Variants in NT5C2 observed in about 807,000 individuals in gnomAD.
The protein encoded by NT5C2 is cytosolic purine 5'-nucleotidase.
In NT5C2, 58 loss-of-function variants were observed where a neutral mutation model predicts 76.1. The observed-to-expected ratio is 0.76, with a 90% CI of 0.62 to 0.95. The LOEUF (loss-of-function observed/expected upper bound fraction) is 0.95, where lower values mean the gene tolerates loss of function less well. Ranked by LOEUF, NT5C2 falls within the 40% of genes least tolerant of loss-of-function variation. The probability of loss-of-function intolerance (pLI) is 0.00; values close to 1 mark genes in which losing one functional copy is unlikely to be tolerated. For synonymous variants in NT5C2, 229 were observed against 237.4 expected (o/e 0.96, Z 0.32); for missense variants, 478 against 690.3 (o/e 0.69, Z 3.45).
intron 4 of NT5C2, among the ~76,000 whole-genome samples, chr10:103,131,908 TGA>T (rs1429613296): frequency 7.0e-6 from 1 of 143,652 alleles, no homozygotes; most frequent in East Asian, 2.1e-4. Context: ...GGCAACAGAG[TGA>T]GACACTGTCT....
In NT5C2 at chr10:103,094,355, A is replaced by C; in HGVS notation, c.914T>G (p.Val305Gly). The C allele has an allele frequency of 6.3e-7, 1 of 1,586,436 alleles. No individual in the cohort carries two copies. Among genetic ancestry groups the C allele is most frequent in the Non-Finnish European group, 8.7e-7 (1 of 1,154,842 alleles). ...ATCATTCTCATGACTTACAGTATCC[A>C]CCTGACGCAGTACTGTGCCTTCTCC... ...FFGEGTVLRQ[V>G]DTKTGKLKIG... Residue 305 changes from valine to glycine, a missense_variant, in exon 13 of 19, where the codon GTG becomes GGG. By Grantham distance (109) the Val-to-Gly change is moderately radical. Transcript: ENST00000404739.
At chr10:103,171,535 T>C (rs2087999265) in intron 3 of NT5C2, among the ~76,000 whole-genome samples, 1 of 152,200 alleles carries the variant, frequency 6.6e-6, no homozygotes, top group South Asian at 2.1e-4. Flanking sequence ...ACTGCCAATA[T>C]ACCAGCACCT....
chr10:103,111,202 G>A (rs2072929218), intron 4 of NT5C2, among the ~76,000 whole-genome samples: 1 of 152,164 alleles, frequency 6.6e-6, no homozygotes, highest in African/African-American at 2.4e-5. Flanking sequence ...AATAGCTTCA[G>A]AGTAAACATA....
At chr10:103,142,236 C>T (rs1384381213) in intron 3 of NT5C2, among the ~76,000 whole-genome samples, 1 of 152,096 alleles carries the variant, frequency 6.6e-6, no homozygotes, top group Non-Finnish European at 1.5e-5. Context: ...GGAATTTGGA[C>T]TTTATCCCGC....
intron 4 of NT5C2, among the ~76,000 whole-genome samples, chr10:103,118,270 T>C (rs1190962360): frequency 6.6e-6 from 1 of 152,194 alleles, no homozygotes; most frequent in East Asian, 1.9e-4. Context: ...TGTAAATCTA[T>C]TCACCATAGG....
chr10:103,168,261 A>G (rs2086900569), intron 3 of NT5C2, among the ~76,000 whole-genome samples: 1 of 152,338 alleles, frequency 6.6e-6, no homozygotes, highest in East Asian at 1.9e-4. Context: ...ATTTCAGTTC[A>G]ATATGATAAA....
intron 12 of NT5C2, chr10:103,094,685 C>G: frequency 2.3e-6 from 1 of 440,286 alleles, no homozygotes; most frequent in African/African-American, 2.0e-5. Flanking sequence ...AAATCAAGAC[C>G]ATCCTGGCCA....
chr10:103,111,902 G>C, intron 4 of NT5C2: 2 of 760,196 alleles, frequency 2.6e-6, no homozygotes, highest in Non-Finnish European at 3.6e-6. Context: ...GATACCATTT[G>C]GAAATTGGTA....
At chr10:103,177,755 T>C (rs1389167573) in intron 2 of NT5C2, among the ~76,000 whole-genome samples, 10 of 152,242 alleles carry the variant, frequency 6.6e-5, no homozygotes. Context: ...GTCTTTTTTA[T>C]ATAAATCACC....
chr10:103,100,156 C>T, intron 8 of NT5C2, 137 bp from the exon 9 acceptor site: 1 of 575,638 alleles, frequency 1.7e-6, no homozygotes, highest in East Asian at 3.0e-5. Flanking sequence ...ATAATTACTC[C>T]CTAATGAAAG....
chr10:103,106,590 T>C lies in NT5C2; in HGVS notation c.292A>G (p.Arg98Gly), dbSNP rs781092106. The change falls in exon 5 of 19, where the codon AGG becomes GGG. Residue 98 changes from arginine (R) to glycine (G), a missense_variant and splice_region_variant. Transcript: ENST00000404739. Reference sequence around the variant, plus strand: ...TCCAAAAATATCTTTAAAAATTACCTGGTAGGGAATGTAGAATCATAAGCA... The same window carrying C: ...TCCAAAAATATCTTTAAAAATTACCCGGTAGGGAATGTAGAATCATAAGCA... ...SFAYDSTFPTRGLVFDTLYGN... is the reference protein window; with the variant it reads ...SFAYDSTFPTGGLVFDTLYGN... 3 of 1,583,022 alleles carry C rather than the reference T, an allele frequency of 1.9e-6. No homozygotes were observed. The highest frequency in any genetic ancestry group is 1.7e-4 in the Middle Eastern group (1 of 6,012).
chr10:103,186,968 A>C, intron 1 of NT5C2, among the ~76,000 whole-genome samples: 1 of 150,704 alleles, frequency 6.6e-6, no homozygotes, highest in African/African-American at 2.4e-5. Context: ...TTCTAATGTT[A>C]GGCCAGGGGC....
At chr10:103,171,998 T>G (rs1456379037) in intron 3 of NT5C2, among the ~76,000 whole-genome samples, 1 of 151,986 alleles carries the variant, frequency 6.6e-6, no homozygotes, top group Non-Finnish European at 1.5e-5. Flanking sequence ...TCACCTGATA[T>G]CAGGAGTTTG....
intron 4 of NT5C2, among the ~76,000 whole-genome samples, chr10:103,131,676 T>G (rs1471074124): frequency 2.0e-5 from 3 of 152,220 alleles, no homozygotes; most frequent in Non-Finnish European, 4.4e-5. Context: ...GTCTCAGCAC[T>G]TTGGGAGGCC....
chr10:103,092,098 G>C (rs905944597), intron 15 of NT5C2, among the ~76,000 whole-genome samples: 5 of 152,182 alleles, frequency 3.3e-5, no homozygotes, highest in Non-Finnish European at 7.3e-5. Context: ...AAATCCCACT[G>C]ATAGTACAGA....
chr10:103,146,981 G>A (rs1222146878), intron 3 of NT5C2, among the ~76,000 whole-genome samples: 1 of 152,180 alleles, frequency 6.6e-6, no homozygotes, highest in African/African-American at 2.4e-5. Context: ...AACTTTTACA[G>A]TAATTTGACA....
chr10:103,158,145 T>C (rs2083871575), intron 3 of NT5C2, among the ~76,000 whole-genome samples: 1 of 149,550 alleles, frequency 6.7e-6, no homozygotes, highest in South Asian at 2.1e-4. Flanking sequence ...TCCTAAATAA[T>C]AGAAATCACA....
chr10:103,130,572 AAAAT>A (rs1271240777), intron 4 of NT5C2, among the ~76,000 whole-genome samples: 7 of 102,102 alleles, frequency 6.9e-5, no homozygotes, highest in African/African-American at 2.2e-4. Context: ...ATTTAAAAAA[AAAAT>A]AAAAATTAAA....
intron 3 of NT5C2, among the ~76,000 whole-genome samples, chr10:103,163,238 T>C (rs1665097939): frequency 6.6e-6 from 1 of 152,238 alleles, no homozygotes; most frequent in African/African-American, 2.4e-5. Context: ...TAAACAGAGA[T>C]ACTATAAACA....
Sources: gnomAD v4.1 joint callset for allele counts (sites outside exome capture counted in the v4.1 genomes callset) on GRCh38, gnomAD v4.1.1 for gene constraint, MANE v1.5 for transcripts, NCBI Gene and HGNC (gene_info 2026-07-23, HGNC 2026-07-21) for gene names.